Variants in HEATR4 observed in about 807,000 individuals in gnomAD.
The protein encoded by HEATR4 is HEAT repeat containing 4, also known as HEAT repeat-containing protein 4.
In HEATR4, 95 loss-of-function variants were observed where a neutral mutation model predicts 108.8. That is an observed-to-expected ratio of 0.87 (90% CI 0.74 to 1.04). The LOEUF (loss-of-function observed/expected upper bound fraction) is 1.04. Among genes scored for constraint, HEATR4 ranks in the 50% least tolerant of loss-of-function variants. The probability of loss-of-function intolerance (pLI) is 0.00; values close to 1 mark genes in which losing one functional copy is unlikely to be tolerated. For missense variants in HEATR4, 1,152 were observed against 1,253.8 expected, an observed-to-expected ratio of 0.92 and a Z score of 1.23; for synonymous variants, 443 against 459.4, an observed-to-expected ratio of 0.96 and a Z score of 0.46.
the HEATR4 span, among the ~76,000 whole-genome samples, chr14:73,566,556 C>T: frequency 6.6e-6 from 1 of 152,186 alleles, no homozygotes; most frequent in African/African-American, 2.4e-5. Context: ...CCCAGCACAC[C>T]CTCCGCAGCC....
chr14:73,590,004 T>C, the HEATR4 span, among the ~76,000 whole-genome samples: 31 of 152,310 alleles, frequency 2.0e-4, no homozygotes, highest in African/African-American at 7.2e-4. Context: ...CAATGAGTGT[T>C]ACAGCTCACA....
chr14:73,602,981 A>G, the HEATR4 span, among the ~76,000 whole-genome samples: 1 of 152,222 alleles, frequency 6.6e-6, no homozygotes, highest in Non-Finnish European at 1.5e-5. Context: ...CCTTCTTACA[A>G]TCTTTTACCA....
chr14:73,589,404 C>G, the HEATR4 span, among the ~76,000 whole-genome samples: 1 of 152,146 alleles, frequency 6.6e-6, no homozygotes, highest in Non-Finnish European at 1.5e-5. Flanking sequence ...ACTGCAACCT[C>G]TGCCTGCCAG....
intron 1 of HEATR4, among the ~76,000 whole-genome samples, chr14:73,538,990 A>AT (rs563635242): frequency 8.6e-6 from 1 of 115,938 alleles, no homozygotes; most frequent in Non-Finnish European, 1.9e-5. Context: ...AAAACAAAAA[A>AT]CAAACAACAA....
the HEATR4 span, chr14:73,620,036 C>CAGATACTCGG: frequency 3.7e-6 from 2 of 547,366 alleles, no homozygotes; most frequent in Non-Finnish European, 6.1e-6. Flanking sequence ...CTCAGACTCC[C>CAGATACTCGG]GAGTATCTGG....
At chr14:73,624,599 G>T in the HEATR4 span, among the ~76,000 whole-genome samples, 1 of 152,006 alleles carries the variant, frequency 6.6e-6, no homozygotes, top group Non-Finnish European at 1.5e-5. Flanking sequence ...GAGAAAGACT[G>T]CTCCCCTCTA....
At chr14:73,613,735 C>T in the HEATR4 span, among the ~76,000 whole-genome samples, 1 of 152,178 alleles carries the variant, frequency 6.6e-6, no homozygotes, top group Admixed American at 6.6e-5. Flanking sequence ...CACAGGACAA[C>T]CACCAGAACA....
chr14:73,483,339 G>C (rs1426088930), intron 17 of HEATR4, among the ~76,000 whole-genome samples: 1 of 152,090 alleles, frequency 6.6e-6, no homozygotes. Flanking sequence ...TTTTTTATTT[G>C]TTTGTTTGTT....
the HEATR4 span, among the ~76,000 whole-genome samples, chr14:73,621,980 C>T: frequency 6.6e-6 from 1 of 151,924 alleles, no homozygotes; most frequent in East Asian, 1.9e-4. Flanking sequence ...CCGGGCTGGT[C>T]TCCAACTCCT....
chr14:73,612,505 G>C, the HEATR4 span: 209,861 of 1,096,720 alleles, frequency 0.19, 22,764 homozygotes, highest in Non-Finnish European at 0.22. Context: ...TCCAGCGCTC[G>C]GCAAAGCCGC....
Position 73,520,873 on chromosome 14 carries a change from AGGTGTTGTCTGT to A in HEATR4, c.1036_1047del (p.Thr346_Thr349del), listed in dbSNP as rs1475722750. ...TTACCAAAGTAAATCTCCTGTTCAA[AGGTGTTGTCTGT>A]GGAGTAGGCAAACTTTCCAGCTCGG... On this transcript the variant is annotated inframe_deletion, in exon 4 of 18. Coordinates refer to ENST00000553558, the MANE Select transcript of HEATR4 (RefSeq NM_001220484.1). 2 of 1,613,784 alleles carry A rather than the reference AGGTGTTGTCTGT, an allele frequency of 1.2e-6. No homozygotes were observed. Among genetic ancestry groups the A allele is most frequent in the Non-Finnish European group, 1.7e-6 (2 of 1,179,962 alleles).
chr14:73,505,699 A>G (rs537126305), intron 10 of HEATR4, among the ~76,000 whole-genome samples: 138 of 151,670 alleles, frequency 9.1e-4, no homozygotes, highest in African/African-American at 3.0e-3. Context: ...GGCCGGGACT[A>G]TGTTTTATAT....
chr14:73,509,363 G>A lies in HEATR4; in HGVS notation c.1669C>T (p.Gln557Ter), dbSNP rs748631740. 1.9e-6 allele frequency: 3 copies of A among 1,614,102 alleles called. No individual in the cohort carries two copies. Among genetic ancestry groups the A allele is most frequent in the Non-Finnish European group, 1.7e-6 (2 of 1,180,010 alleles). The change falls in exon 8 of 18, where the codon CAG (glutamine) becomes TAG (stop). Residue 557 changes from glutamine (Q) to a stop codon, truncating the protein, a stop_gained. Transcript: ENST00000553558. LOFTEE classifies it high-confidence loss of function. ...TTCCGGGCAAGGGGATTATGTGACT[G>A]TATGGCATATTGGCATATTGCTGCT... ...MAAAICQYAIQSHNPLARNIM... is the reference protein window; with the variant it reads ...MAAAICQYAI
the HEATR4 span, among the ~76,000 whole-genome samples, chr14:73,571,901 A>G: frequency 2.0e-4 from 31 of 152,202 alleles, no homozygotes; most frequent in East Asian, 4.6e-3. Flanking sequence ...ATAAAGAGCA[A>G]TCAGCCAGTG....
chr14:73,526,200 C>T (rs1323160568), intron 2 of HEATR4, among the ~76,000 whole-genome samples: 6 of 152,176 alleles, frequency 3.9e-5, no homozygotes, highest in Non-Finnish European at 7.3e-5. Context: ...CACAGCACTA[C>T]ACTGAGCAGA....
the HEATR4 span, chr14:73,619,522 C>A: frequency 6.2e-7 from 1 of 1,614,210 alleles, no homozygotes; most frequent in Non-Finnish European, 8.5e-7. Context: ...GGCGCAGGTG[C>A]CCTTCTTGTT....
chr14:73,558,800 C>T lies in HEATR4; in HGVS notation c.-201G>A, dbSNP rs1889451601. 2 of 151,178 alleles carry T rather than the reference C, an allele frequency of 1.3e-5. No homozygotes were observed. The highest frequency in any genetic ancestry group is 4.9e-5 in the African/African-American group (2 of 41,050). 9.4% of individuals were successfully genotyped at this position (151,178 alleles called of 1,614,324 possible). ...TTTTCAGCTACCTCAGGTTGCCCCT[C>T]ATCTTCCAGCTGACACCATCCAGCA... On this transcript the variant is annotated 5_prime_UTR_variant, in exon 1 of 18. The change abolishes an upstream ATG in the 5' untranslated region. Coordinates refer to ENST00000553558, the MANE Select transcript of HEATR4 (RefSeq NM_001220484.1).
the HEATR4 span, among the ~76,000 whole-genome samples, chr14:73,580,268 A>G: frequency 6.6e-6 from 1 of 151,982 alleles, no homozygotes; most frequent in Admixed American, 6.6e-5. Flanking sequence ...AGCTGAGACT[A>G]TAGGTATTTG....
At chr14:73,616,081 C>T in the HEATR4 span, among the ~76,000 whole-genome samples, 1 of 151,994 alleles carries the variant, frequency 6.6e-6, no homozygotes, top group African/African-American at 2.4e-5. Flanking sequence ...ATCCTCCCGC[C>T]TCTTCCTCCT....
Sources: allele counts gnomAD v4.1 joint callset (sites outside exome capture counted in the v4.1 genomes callset), GRCh38; gene constraint gnomAD v4.1.1; transcripts MANE v1.5; gene names NCBI Gene and HGNC (gene_info 2026-07-23, HGNC 2026-07-21).